Variants in ASF1B observed in about 807,000 individuals in gnomAD.
The protein encoded by ASF1B is anti-silencing function 1B histone chaperone.
Under a neutral mutation model 16.6 loss-of-function variants are expected in ASF1B, and 10 were observed. The observed-to-expected ratio is 0.60, with a 90% CI of 0.37 to 1.02. The LOEUF (loss-of-function observed/expected upper bound fraction) is 1.02, where lower values mean the gene tolerates loss of function less well. Among genes scored for constraint, ASF1B ranks in the 50% least tolerant of loss-of-function variants. The probability of loss-of-function intolerance (pLI) is 0.01; values close to 1 mark genes in which losing one functional copy is unlikely to be tolerated. For synonymous variants in ASF1B, 101 were observed against 106.2 expected (o/e 0.95, Z 0.30); for missense variants, 240 against 266.0 (o/e 0.90, Z 0.68).
chr19:14,130,505 T>C (rs1313126177), intron 1 of ASF1B, among the ~76,000 whole-genome samples: 1 of 137,988 alleles, frequency 7.2e-6, no homozygotes, highest in African/African-American at 2.7e-5. Flanking sequence ...CCTATCTCTT[T>C]AAAAAAAAAA....
intron 2 of ASF1B, 115 bp downstream of exon 2, chr19:14,126,007 G>A (rs536221329): frequency 2.6e-6 from 2 of 780,162 alleles, no homozygotes; most frequent in East Asian, 2.7e-5. Context: ...ATAGGCGTGA[G>A]CCCGTGCCCA....
In ASF1B at chr19:14,136,566, T is replaced by C; in HGVS notation, c.-110A>G. 2.4e-6 allele frequency: 2 copies of C among 817,074 alleles called. No homozygotes were observed. Among genetic ancestry groups the C allele is most frequent in the Non-Finnish European group, 3.8e-6 (2 of 530,806 alleles). 50.6% of individuals were successfully genotyped at this position (817,074 alleles called of 1,614,324 possible). On this transcript the variant is annotated 5_prime_UTR_variant, in exon 1 of 4. Transcript: ENST00000263382. ...AGGGCTGACCAGGTCCACTCCCGCC[T>C]CTTCTCTCCGAGAACTGAAGTGCGC...
At chr19:14,128,312 TAC>T (rs1967348233) in intron 1 of ASF1B, among the ~76,000 whole-genome samples, 1 of 152,176 alleles carries the variant, frequency 6.6e-6, no homozygotes, top group Non-Finnish European at 1.5e-5. Context: ...AGGTCATGAC[TAC>T]AGAGGCTTGT....
Position 14,126,383 on chromosome 19 carries a change from C to T in ASF1B, c.110-146G>A, listed in dbSNP as rs946031406. 1.8e-5 allele frequency: 11 copies of T among 600,114 alleles called. No individual in the cohort carries two copies. The East Asian group carries it at 1.8e-4, about 10-fold the overall frequency. 37.2% of individuals were successfully genotyped at this position (600,114 alleles called of 1,614,324 possible). ...ACAGTGATGCGATCTCAGCTCACTG[C>T]AACTTCCGCCTCCCAGGTTCCAGTG... On this transcript the variant is annotated intron_variant, in intron 1 of 3. Transcript: ENST00000263382.
chr19:14,128,567 T>C (rs1427198963), intron 1 of ASF1B, among the ~76,000 whole-genome samples: 1 of 152,206 alleles, frequency 6.6e-6, no homozygotes, highest in African/African-American at 2.4e-5. Context: ...CACAAATTCC[T>C]GCGCTCAAGT....
chr19:14,129,748 T>C (rs982092816), intron 1 of ASF1B, among the ~76,000 whole-genome samples: 2 of 127,614 alleles, frequency 1.6e-5, no homozygotes, highest in African/African-American at 6.0e-5. Context: ...AAAAGAGTTA[T>C]AGGTATAGGG....
Position 14,136,486 on chromosome 19 carries a change from C to A in ASF1B, c.-30G>T. The A allele has an allele frequency of 6.2e-7, 1 of 1,604,306 alleles. No individual in the cohort carries two copies. Among genetic ancestry groups the A allele is most frequent in the Admixed American group, 1.7e-5 (1 of 59,582 alleles). On this transcript the variant is annotated 5_prime_UTR_variant, in exon 1 of 4. Coordinates refer to ENST00000263382, the MANE Select transcript of ASF1B (RefSeq NM_018154.3). ...TCGCCTCGCCGCGCCGCAGCAGGGG[C>A]AGGGGCTGTGGCTGTGGCGGAGGCC... is the stretch of plus-strand genomic sequence containing the variant.
chr19:14,121,408 T>C lies in ASF1B; in HGVS notation c.402+124A>G, dbSNP rs1447411772. ...TTTTTCTCCTCTTCTAACACAGTAC[T>C]GTAAGAACTGAATATTACTTGAAAA... On this transcript the variant is annotated intron_variant, in intron 3 of 3. Transcript: ENST00000263382. 4 of 1,096,234 alleles carry C rather than the reference T, an allele frequency of 3.6e-6. No individual in the cohort carries two copies. The South Asian group carries it at 6.1e-5, about 17-fold the overall frequency. 67.9% of individuals were successfully genotyped at this position (1,096,234 alleles called of 1,614,324 possible). A position where few individuals can be genotyped will look rare whatever the true frequency, so the allele number is the denominator to read the frequency against.
intron 1 of ASF1B, among the ~76,000 whole-genome samples, chr19:14,131,189 C>CTT (rs917061483): frequency 2.5e-5 from 3 of 117,778 alleles, no homozygotes; most frequent in Non-Finnish European, 3.7e-5. Flanking sequence ...TTTTTTTTTT[C>CTT]TTTTTTTTTT....
At chr19:14,133,052 G>A (rs1467148356) in intron 1 of ASF1B, among the ~76,000 whole-genome samples, 2 of 151,662 alleles carry the variant, frequency 1.3e-5, no homozygotes, top group African/African-American at 4.9e-5. Flanking sequence ...CCCGGGAGGC[G>A]GAGCTTGCAA....
rs536585429 is a variant in ASF1B, at chr19:14,120,073, G to A, written c.*386C>T. 2 of 192,664 alleles carry A rather than the reference G, an allele frequency of 1.0e-5. No individual in the cohort carries two copies. Among genetic ancestry groups the A allele is most frequent in the South Asian group, 9.1e-5 (1 of 11,024 alleles). 11.9% of individuals were successfully genotyped at this position (192,664 alleles called of 1,614,324 possible). A position where few individuals can be genotyped will look rare whatever the true frequency, so the allele number is the denominator to read the frequency against. On this transcript the variant is annotated 3_prime_UTR_variant, in exon 4 of 4. Coordinates refer to ENST00000263382, the MANE Select transcript of ASF1B (RefSeq NM_018154.3). The stretch of plus-strand genomic sequence containing the variant: ...AGAGAAAGGAATGACAAAGCCTTTG[G>A]CTCAGCAGGACTGGAGCCTTGACAG...
chr19:14,126,000 G>C lies in ASF1B; in HGVS notation c.225+122C>G, dbSNP rs77012364. 6.1e-3 allele frequency: 4,402 copies of C among 722,136 alleles called. 153 individuals are homozygous for C. In the African/African-American group the frequency reaches 0.071, roughly 12 times the overall value. The allele number at this position is 722,136 out of a possible 1,614,324, so 44.7% of individuals were successfully genotyped here. A position where few individuals can be genotyped will look rare whatever the true frequency, so the allele number is the denominator to read the frequency against. On this transcript the variant is annotated intron_variant, in intron 2 of 3. Coordinates refer to ENST00000263382, the MANE Select transcript of ASF1B (RefSeq NM_018154.3). ...AGTCCCTGGAGTAGCTGGGTCTATA[G>C]GCGTGAGCCCGTGCCCAGCTGAACT...
intron 2 of ASF1B, among the ~76,000 whole-genome samples, chr19:14,123,280 C>T (rs946087209): frequency 6.6e-6 from 1 of 150,894 alleles, no homozygotes; most frequent in Non-Finnish European, 1.5e-5. Flanking sequence ...TGGATTAGGG[C>T]GGTAACAGCA....
At chr19:14,124,645 T>TGCCTGTTCCCACCTAGAGTTACCTACCAC (rs1316782261) in intron 2 of ASF1B, among the ~76,000 whole-genome samples, 31 of 152,320 alleles carry the variant, frequency 2.0e-4, no homozygotes, top group South Asian at 2.1e-4. Context: ...TTACCTACCA[T>TGCCTGTTCCCACCTAGAGTTACCTACCAC]GCCTGTTCCC....
At chr19:14,123,073 C>G (rs998759451) in intron 2 of ASF1B, among the ~76,000 whole-genome samples, 5 of 152,164 alleles carry the variant, frequency 3.3e-5, no homozygotes, top group African/African-American at 1.2e-4. Flanking sequence ...AAAACCAATG[C>G]AAAATGAAAA....
chr19:14,127,899 A>G (rs945273856), intron 1 of ASF1B, among the ~76,000 whole-genome samples: 2 of 152,072 alleles, frequency 1.3e-5, no homozygotes, highest in Non-Finnish European at 2.9e-5. Flanking sequence ...CCGCCTCCCA[A>G]AGTGCTGGGA....
chr19:14,123,378 CTTTTTTTTTTT>C (rs74181857), intron 2 of ASF1B, among the ~76,000 whole-genome samples: 2 of 119,822 alleles, frequency 1.7e-5, no homozygotes, highest in African/African-American at 3.3e-5. Context: ...TTTCTTTCTT[CTTTTTTTTTTT>C]TTTTTTTTTT....
intron 2 of ASF1B, 61 bp from the exon 3 acceptor site, chr19:14,121,769 C>A: frequency 1.4e-6 from 2 of 1,435,398 alleles, no homozygotes; most frequent in South Asian, 1.3e-5. Flanking sequence ...GTCATTAGTA[C>A]AAAGATTCCC....
chr19:14,125,202 G>A (rs1406276238), intron 2 of ASF1B, among the ~76,000 whole-genome samples: 1 of 152,030 alleles, frequency 6.6e-6, no homozygotes, highest in East Asian at 1.9e-4. Context: ...CCTGACCTCA[G>A]GCGATCCACC....
Sources: allele counts gnomAD v4.1 joint callset (sites outside exome capture counted in the v4.1 genomes callset), GRCh38; gene constraint gnomAD v4.1.1; transcripts MANE v1.5; gene names NCBI Gene and HGNC (gene_info 2026-07-23, HGNC 2026-07-21).